The following CAMTA1 variants were observed in gnomAD, a reference collection of about 807,000 sequenced individuals.
CAMTA1 encodes the protein calmodulin-binding transcription activator 1.
CAMTA1 carries 27 observed loss-of-function variants against 170.9 expected under a neutral mutation model. The ratio of observed to expected loss-of-function variants is 0.16; its 90% CI spans 0.12 to 0.22. The LOEUF is 0.22. Ranked by LOEUF, CAMTA1 falls within the 10% of genes least tolerant of loss-of-function variation. CAMTA1 has a pLI of 1.00. For missense variants in CAMTA1, 1,619 were observed against 2,217.2 expected (o/e 0.73, Z 5.42); for synonymous variants, 833 against 891.5 (o/e 0.93, Z 1.17).
chr1:6,846,664 A>G (rs1179521352), intron 3 of CAMTA1, among the ~76,000 whole-genome samples: 2 of 152,240 alleles, frequency 1.3e-5, no homozygotes, highest in Non-Finnish European at 2.9e-5. Context: ...TTATAATAAT[A>G]AAGAATCATT....
intron 4 of CAMTA1, among the ~76,000 whole-genome samples, chr1:7,179,295 A>G (rs1160200035): frequency 6.6e-6 from 1 of 152,266 alleles, no homozygotes; most frequent in Non-Finnish European, 1.5e-5. Flanking sequence ...GAAACCAGGA[A>G]ATGCAGAGAA....
chr1:6,864,603 G>A (rs925187064), intron 3 of CAMTA1, among the ~76,000 whole-genome samples: 1 of 152,074 alleles, frequency 6.6e-6, no homozygotes, highest in South Asian at 2.1e-4. Flanking sequence ...TTTCTTGCCC[G>A]AGTCCCTTCA....
At chr1:6,875,315 T>C (rs1032257489) in intron 3 of CAMTA1, among the ~76,000 whole-genome samples, 3 of 152,130 alleles carry the variant, frequency 2.0e-5, no homozygotes, top group African/African-American at 7.2e-5. Context: ...TTTTTTGAGA[T>C]GGAGTCTCGC....
chr1:7,475,403 T>A (rs2093404755), intron 6 of CAMTA1, among the ~76,000 whole-genome samples: 1 of 152,130 alleles, frequency 6.6e-6, no homozygotes, highest in Admixed American at 6.5e-5. Flanking sequence ...AAGAGGACAT[T>A]TGGACCCATG....
At chr1:7,430,572 A>G (rs1056927608) in intron 5 of CAMTA1, among the ~76,000 whole-genome samples, 1 of 152,104 alleles carries the variant, frequency 6.6e-6, no homozygotes. Context: ...GATGGGGATG[A>G]TGGTGGAGGT....
intron 5 of CAMTA1, among the ~76,000 whole-genome samples, chr1:7,298,392 C>T (rs1574508793): frequency 6.6e-6 from 1 of 152,218 alleles, no homozygotes; most frequent in South Asian, 2.1e-4. Flanking sequence ...CCCTGGGGTC[C>T]CCAGGAATGT....
chr1:6,857,834 A>G (rs1239013256), intron 3 of CAMTA1, among the ~76,000 whole-genome samples: 3 of 152,212 alleles, frequency 2.0e-5, no homozygotes, highest in Admixed American at 2.0e-4. Flanking sequence ...AAAAAGAAAA[A>G]AAAAGCCTAT....
intron 3 of CAMTA1, among the ~76,000 whole-genome samples, chr1:7,051,092 C>T (rs1183420017): frequency 6.6e-6 from 1 of 152,172 alleles, no homozygotes; most frequent in East Asian, 1.9e-4. Flanking sequence ...GCCCACGTCC[C>T]TCTGGTGATC....
rs886221414 is a variant in CAMTA1, at chr1:7,216,133, G to A, written c.303-33358G>A. ...CGAAGGGGAAGCCCGCGTGTCCTGCGTGGCTGGAGCAGGAGGAAGAGGGTG... is the reference window on the plus strand; with the variant it reads ...CGAAGGGGAAGCCCGCGTGTCCTGCATGGCTGGAGCAGGAGGAAGAGGGTG... On this transcript the variant is annotated intron_variant, in intron 4 of 22. Transcript: ENST00000303635. The surrounding 1 kb of genome is among the most constrained non-coding windows in gnomAD (Gnocchi z 4.0). Among the ~76,000 whole-genome samples, 7 of 152,276 alleles carry A rather than the reference G, an allele frequency of 4.6e-5. No individual in the cohort carries two copies. Among genetic ancestry groups the A allele is most frequent in the African/African-American group, 1.2e-4 (5 of 41,566 alleles).
intron 4 of CAMTA1, among the ~76,000 whole-genome samples, chr1:7,238,611 T>C (rs1664314696): frequency 6.6e-6 from 1 of 152,212 alleles, no homozygotes; most frequent in Non-Finnish European, 1.5e-5. Flanking sequence ...GGGCCAGGTG[T>C]GGTGGTTCAT....
rs1388268913 is a variant in CAMTA1 at position 7,767,653 on chromosome 1, T to C, written c.*1162T>C. On this transcript the variant is annotated 3_prime_UTR_variant, in exon 23 of 23. Coordinates refer to ENST00000303635, the MANE Select transcript of CAMTA1 (RefSeq NM_015215.4). ...TGAATGAGCGAGAAAAATGTGGATG[T>C]ACTGTTTGTATATATTGTATATATT... is the stretch of plus-strand genomic sequence containing the variant. The C allele has an allele frequency of 2.0e-5, 3 of 152,630 alleles. No individual in the cohort carries two copies. Among genetic ancestry groups the C allele is most frequent in the African/African-American group, 7.2e-5 (3 of 41,428 alleles). The allele number at this position is 152,630 out of a possible 1,614,324, so 9.5% of individuals were successfully genotyped here.
chr1:7,598,329 C>G (rs1354002158), intron 6 of CAMTA1, among the ~76,000 whole-genome samples: 2 of 152,184 alleles, frequency 1.3e-5, no homozygotes, highest in African/African-American at 4.8e-5. Context: ...TTAATCCAGT[C>G]TATCATTTTT....
chr1:7,403,560 A>C (rs2149216677), intron 5 of CAMTA1, among the ~76,000 whole-genome samples: 1 of 152,220 alleles, frequency 6.6e-6, no homozygotes, highest in African/African-American at 2.4e-5. Flanking sequence ...GGTGTTAGTG[A>C]AGGGGTGAAG....
chr1:7,454,686 C>T (rs2092909921), intron 5 of CAMTA1, among the ~76,000 whole-genome samples: 1 of 152,024 alleles, frequency 6.6e-6, no homozygotes, highest in Non-Finnish European at 1.5e-5. Flanking sequence ...TCGTCCTACT[C>T]AGCTCTCTCC....
chr1:7,479,322 C>A (rs1215424799), intron 6 of CAMTA1, among the ~76,000 whole-genome samples: 4 of 152,194 alleles, frequency 2.6e-5, no homozygotes, highest in African/African-American at 9.7e-5. Context: ...CACAGCTGTA[C>A]ACAGGCGTCA....
At chr1:6,936,760 A>T (rs1277239729) in intron 3 of CAMTA1, among the ~76,000 whole-genome samples, 1 of 152,138 alleles carries the variant, frequency 6.6e-6, no homozygotes, top group Non-Finnish European at 1.5e-5. Context: ...AGGCCGAGGC[A>T]GGTGGATCAC....
chr1:7,600,835 A>T (rs1039995448), intron 6 of CAMTA1, among the ~76,000 whole-genome samples: 1 of 151,914 alleles, frequency 6.6e-6, no homozygotes, highest in Non-Finnish European at 1.5e-5. Flanking sequence ...AAGGCAGAAG[A>T]ATTTTTCTTA....
At position 7,028,875 on chromosome 1, in the gene CAMTA1, C is replaced by T. The variant is rs984747743; in HGVS notation, c.235-62429C>T. On this transcript the variant is annotated intron_variant, in intron 3 of 22. Coordinates refer to ENST00000303635, the MANE Select transcript of CAMTA1 (RefSeq NM_015215.4). ...GCAAATTGTATATTGTACAAAAATG[C>T]GACATGTTGTCAGATAAGTACTAAG... Among the ~76,000 whole-genome samples the T allele has an allele frequency of 1.6e-4, 24 of 151,810 alleles. 1 individual carries two copies. The highest frequency in any genetic ancestry group is 1.2e-3 in the South Asian group (6 of 4,816).
chr1:7,290,941 C>T (rs1246174331), intron 5 of CAMTA1, among the ~76,000 whole-genome samples: 1 of 152,168 alleles, frequency 6.6e-6, no homozygotes, highest in African/African-American at 2.4e-5. Flanking sequence ...AAGTGACTCT[C>T]ACAGGATCAC....
Sources: gnomAD v4.1 joint callset for allele counts (sites outside exome capture counted in the v4.1 genomes callset) on GRCh38, gnomAD v4.1.1 for gene constraint, Gnocchi (gnomAD v3.1) non-coding constraint, MANE v1.5 for transcripts, NCBI Gene and HGNC (gene_info 2026-07-23, HGNC 2026-07-21) for gene names.